The following SLC25A21 variants were observed in gnomAD, a reference collection of about 807,000 sequenced individuals.
SLC25A21 encodes the protein mitochondrial 2-oxodicarboxylate carrier.
A neutral mutation model predicts 43.8 loss-of-function variants in SLC25A21; 47 were observed. The observed-to-expected ratio is 1.07, with a 90% CI of 0.85 to 1.37. The LOEUF (loss-of-function observed/expected upper bound fraction) is 1.37, where lower values mean the gene tolerates loss of function less well. SLC25A21 is among the 40% of genes most tolerant of loss of function. SLC25A21 has a pLI of 0.00. For missense variants in SLC25A21, 352 were observed against 350.2 expected, an observed-to-expected ratio of 1.00 and a Z score of -0.04; for synonymous variants, 131 against 121.3, an observed-to-expected ratio of 1.08 and a Z score of -0.52.
chr14:36,937,219 G>A (rs993177119), intron 1 of SLC25A21, among the ~76,000 whole-genome samples: 5 of 152,138 alleles, frequency 3.3e-5, no homozygotes, highest in African/African-American at 1.2e-4. Flanking sequence ...CATTGTCTTG[G>A]GCTCCTAGAA....
intron 2 of SLC25A21, among the ~76,000 whole-genome samples, chr14:36,867,491 C>T: frequency 6.6e-6 from 1 of 152,166 alleles, no homozygotes; most frequent in East Asian, 1.9e-4. Context: ...ATAATGTCAG[C>T]ACACAGCCCC....
intron 1 of SLC25A21, among the ~76,000 whole-genome samples, chr14:36,900,198 T>G (rs757686850): frequency 2.6e-5 from 4 of 151,944 alleles, no homozygotes; most frequent in Non-Finnish European, 5.9e-5. Context: ...GTCATCTTTA[T>G]GATGCAAGAG....
chr14:37,024,171 C>A (rs10139375), intron 1 of SLC25A21, among the ~76,000 whole-genome samples: 1 of 152,050 alleles, frequency 6.6e-6, no homozygotes, highest in Non-Finnish European at 1.5e-5. Context: ...CATTGCAATG[C>A]GTAGCTTTCC....
chr14:36,777,462 AATT>A, intron 3 of SLC25A21, among the ~76,000 whole-genome samples: 1 of 152,300 alleles, frequency 6.6e-6, no homozygotes, highest in African/African-American at 2.4e-5. Flanking sequence ...TTGCAGATGT[AATT>A]ATGTTAAGAA....
intron 1 of SLC25A21, among the ~76,000 whole-genome samples, chr14:37,032,556 G>T (rs1001211750): frequency 2.0e-5 from 3 of 151,008 alleles, no homozygotes; most frequent in African/African-American, 7.3e-5. Flanking sequence ...ACAAAAAAAT[G>T]AATCCACAGG....
intron 1 of SLC25A21, among the ~76,000 whole-genome samples, chr14:36,902,312 C>T (rs1320192737): frequency 6.6e-6 from 1 of 152,148 alleles, no homozygotes; most frequent in Non-Finnish European, 1.5e-5. Context: ...AGTCTTATAC[C>T]AGAGTCCAGC....
At chr14:36,685,143 T>C (rs1882479459) in intron 7 of SLC25A21, among the ~76,000 whole-genome samples, 2 of 152,354 alleles carry the variant, frequency 1.3e-5, no homozygotes, top group African/African-American at 4.8e-5. Flanking sequence ...GAAGTACACA[T>C]TTCCTCACAC....
intron 6 of SLC25A21, among the ~76,000 whole-genome samples, chr14:36,718,251 C>A (rs143555123): frequency 6.0e-4 from 92 of 152,264 alleles, no homozygotes; most frequent in African/African-American, 2.1e-3. Context: ...GACAACTTGG[C>A]TGCTGCTTTA....
At chr14:36,925,983 C>T (rs897452070) in intron 1 of SLC25A21, among the ~76,000 whole-genome samples, 1 of 152,138 alleles carries the variant, frequency 6.6e-6, no homozygotes, top group African/African-American at 2.4e-5. Flanking sequence ...CTACAGAAGA[C>T]CTAACCATCA....
At chr14:36,829,960 C>A (rs1295199780) in intron 2 of SLC25A21, among the ~76,000 whole-genome samples, 8 of 151,960 alleles carry the variant, frequency 5.3e-5, no homozygotes, top group Non-Finnish European at 1.5e-5. Flanking sequence ...ATTGCTTCAC[C>A]ACTGAGAGAG....
intron 1 of SLC25A21, among the ~76,000 whole-genome samples, chr14:37,167,955 C>T (rs1050701895): frequency 1.1e-4 from 17 of 152,074 alleles, no homozygotes; most frequent in Non-Finnish European, 2.2e-4. Flanking sequence ...ACTCCAGTCT[C>T]CCACACAGCT....
At chr14:36,797,171 T>TA (rs1887704026) in intron 3 of SLC25A21, among the ~76,000 whole-genome samples, 1 of 152,212 alleles carries the variant, frequency 6.6e-6, no homozygotes, top group African/African-American at 2.4e-5. Context: ...TTCAAAATAT[T>TA]AAAGTCAAGC....
chr14:37,092,628 G>A (rs189648468), intron 1 of SLC25A21, among the ~76,000 whole-genome samples: 4 of 152,264 alleles, frequency 2.6e-5, no homozygotes, highest in Admixed American at 2.6e-4. Context: ...TTTCTGGAAA[G>A]AAATCGTTCC....
At chr14:37,015,375 CATT>C (rs1244010103) in intron 1 of SLC25A21, among the ~76,000 whole-genome samples, 2 of 151,756 alleles carry the variant, frequency 1.3e-5, no homozygotes, top group African/African-American at 4.8e-5. Flanking sequence ...ATGAACTCAT[CATT>C]TTTTATGGCT....
At chr14:36,808,438 A>G (rs848087) in intron 3 of SLC25A21, among the ~76,000 whole-genome samples, 99,528 of 152,006 alleles carry the variant, frequency 0.65, 33,577 homozygotes, top group East Asian at 0.89. Flanking sequence ...CAGAGCTTTC[A>G]TACATTACTT....
chr14:36,895,819 A>C (rs538483690), intron 1 of SLC25A21, among the ~76,000 whole-genome samples: 36 of 152,252 alleles, frequency 2.4e-4, no homozygotes, highest in African/African-American at 7.9e-4. Context: ...TTCAGGAGCA[A>C]GTTGTTCAGT....
At chr14:37,061,260 A>G (rs147872651) in intron 1 of SLC25A21, among the ~76,000 whole-genome samples, 4 of 152,302 alleles carry the variant, frequency 2.6e-5, no homozygotes, top group African/African-American at 7.2e-5. Flanking sequence ...ACATTTTGCT[A>G]TGACACCAAC....
intron 1 of SLC25A21, among the ~76,000 whole-genome samples, chr14:36,988,188 C>A (rs1026845095): frequency 6.6e-6 from 1 of 152,154 alleles, no homozygotes; most frequent in Non-Finnish European, 1.5e-5. Flanking sequence ...AGAGGTAAGC[C>A]TCACGAGACT....
Position 37,060,433 on chromosome 14 carries a change from C to A in SLC25A21, c.70+111848G>T, listed in dbSNP as rs79936218. Among the ~76,000 whole-genome samples, 114 of 144,906 alleles carry A rather than the reference C, an allele frequency of 7.9e-4. 1 individual carries two copies. In the East Asian group the frequency reaches 0.02, roughly 25 times the overall value. ...AATAATAATAATAATAATGATGTAA[C>A]CCAAGAGAAGTAGGGCATGGTGGAA... On this transcript the variant is annotated intron_variant, in intron 1 of 9. Transcript: ENST00000331299.
Sources: gnomAD v4.1 joint callset for allele counts (sites outside exome capture counted in the v4.1 genomes callset) on GRCh38, gnomAD v4.1.1 for gene constraint, MANE v1.5 for transcripts, NCBI Gene and HGNC (gene_info 2026-07-23, HGNC 2026-07-21) for gene names.